The following MAP4K5 variants were observed in gnomAD, a reference collection of about 807,000 sequenced individuals.
MAP4K5 encodes the protein mitogen-activated protein kinase kinase kinase kinase 5.
A neutral mutation model predicts 135.6 loss-of-function variants in MAP4K5; 82 were observed. The ratio of observed to expected loss-of-function variants is 0.60; its 90% CI spans 0.51 to 0.73. The LOEUF is 0.73. Ranked by LOEUF, MAP4K5 falls within the 30% of genes least tolerant of loss-of-function variation. MAP4K5 has a pLI of 0.00. For missense variants in MAP4K5, 907 were observed against 1,010.9 expected (o/e 0.90, Z 1.39); for synonymous variants, 347 against 335.0 (o/e 1.04, Z -0.39).
At chr14:50,435,147 A>G in intron 26 of MAP4K5, 82 bp from the exon 27 acceptor site, 1 of 611,878 alleles carries the variant, frequency 1.6e-6, no homozygotes, top group Non-Finnish European at 2.8e-6. Flanking sequence ...CCAGGATGAC[A>G]AGAGTGGGCA....
chr14:50,448,623 T>C (rs2036412288), intron 15 of MAP4K5, 151 bp downstream of exon 15: 3 of 546,380 alleles, frequency 5.5e-6, no homozygotes, highest in Non-Finnish European at 9.5e-6. Flanking sequence ...AAACTAACTA[T>C]AAACTTTTAA....
intron 1 of MAP4K5, among the ~76,000 whole-genome samples, chr14:50,554,323 A>G (rs2038739345): frequency 6.6e-6 from 1 of 152,198 alleles, no homozygotes; most frequent in African/African-American, 2.4e-5. Flanking sequence ...AACAGGCATC[A>G]TAATTGTAGT....
intron 32 of MAP4K5, among the ~76,000 whole-genome samples, chr14:50,421,142 A>C (rs1439747103): frequency 6.6e-6 from 1 of 152,196 alleles, no homozygotes; most frequent in Non-Finnish European, 1.5e-5. Context: ...GAAAAGGAAA[A>C]TATAATTACT....
At chr14:50,487,665 C>G (rs1469027026) in intron 3 of MAP4K5, among the ~76,000 whole-genome samples, 1 of 152,106 alleles carries the variant, frequency 6.6e-6, no homozygotes, top group African/African-American at 2.4e-5. Context: ...AAAAGAGGAT[C>G]AAAGGAGATA....
At chr14:50,531,900 C>G in intron 2 of MAP4K5, 42 bp downstream of exon 2, 1 of 1,361,846 alleles carries the variant, frequency 7.3e-7, no homozygotes, top group Admixed American at 1.9e-5. Context: ...ATTCCCGGGA[C>G]CCAGTCGACC....
At chr14:50,508,699 A>G (rs1471606798) in intron 2 of MAP4K5, among the ~76,000 whole-genome samples, 1 of 151,876 alleles carries the variant, frequency 6.6e-6, no homozygotes, top group African/African-American at 2.4e-5. Context: ...CATGTACCCT[A>G]GAACTTAAAG....
chr14:50,424,709 C>CAAA (rs57648390), intron 31 of MAP4K5, among the ~76,000 whole-genome samples: 1 of 21,344 alleles, frequency 4.7e-5, no homozygotes, highest in African/African-American at 7.3e-5. Context: ...GACTCCATCT[C>CAAA]AAAAAAAAAA....
intron 3 of MAP4K5, among the ~76,000 whole-genome samples, chr14:50,501,275 G>A (rs2037700482): frequency 6.6e-6 from 1 of 151,900 alleles, no homozygotes; most frequent in South Asian, 2.1e-4. Context: ...ACAGATGACT[G>A]TTTTATTTCT....
intron 14 of MAP4K5, among the ~76,000 whole-genome samples, chr14:50,452,014 G>A (rs2036499290): frequency 6.6e-6 from 1 of 152,128 alleles, no homozygotes; most frequent in Non-Finnish European, 1.5e-5. Context: ...TCCCAGTCTA[G>A]GGATATACGG....
chr14:50,544,742 T>TGG (rs1346446264), intron 1 of MAP4K5, among the ~76,000 whole-genome samples: 1 of 151,754 alleles, frequency 6.6e-6, no homozygotes, highest in African/African-American at 2.4e-5. Context: ...GAGACCAGCC[T>TGG]GGGGAACATA....
intron 3 of MAP4K5, among the ~76,000 whole-genome samples, chr14:50,490,159 G>GTGTGTGTGTGTGTGTGTATGTA (rs71441284): frequency 1.5e-5 from 2 of 137,922 alleles, no homozygotes; most frequent in East Asian, 4.4e-4. Context: ...GTGTGTGTGT[G>GTGTGTGTGTGTGTGTGTATGTA]TAAGGGAACT....
At chr14:50,483,899 C>T (rs942543818) in intron 5 of MAP4K5, among the ~76,000 whole-genome samples, 5 of 151,828 alleles carry the variant, frequency 3.3e-5, no homozygotes, top group Non-Finnish European at 7.4e-5. Context: ...CTTGCTCTCT[C>T]GCCCAGGCTG....
intron 3 of MAP4K5, among the ~76,000 whole-genome samples, chr14:50,489,989 T>G (rs2037446113): frequency 6.6e-6 from 1 of 152,192 alleles, no homozygotes; most frequent in East Asian, 1.9e-4. Flanking sequence ...GTAAGGGCAG[T>G]TGCAGGTTCT....
At chr14:50,502,248 C>A (rs1478706108) in intron 3 of MAP4K5, among the ~76,000 whole-genome samples, 1 of 152,148 alleles carries the variant, frequency 6.6e-6, no homozygotes, top group African/African-American at 2.4e-5. Context: ...GGGTTAATAA[C>A]ACTGGAAGCA....
intron 10 of MAP4K5, among the ~76,000 whole-genome samples, chr14:50,467,759 A>C (rs1213230278): frequency 6.6e-6 from 1 of 152,158 alleles, no homozygotes; most frequent in Non-Finnish European, 1.5e-5. Context: ...TGTACTTATC[A>C]GCATTCTAGC....
intron 1 of MAP4K5, chr14:50,560,450 C>A: frequency 9.3e-7 from 1 of 1,069,946 alleles, no homozygotes; most frequent in South Asian, 1.4e-5. Flanking sequence ...CCTGTTTGGG[C>A]GGAGGAACCA....
chr14:50,470,348 G>A (rs1236919564), intron 9 of MAP4K5, among the ~76,000 whole-genome samples: 1 of 152,070 alleles, frequency 6.6e-6, no homozygotes, highest in African/African-American at 2.4e-5. Flanking sequence ...TAAAGTAGTA[G>A]TATTTCACCT....
Position 50,443,722 on chromosome 14 carries a change from T to G in MAP4K5, c.1479+7A>C, listed in dbSNP as rs1951472930. On this transcript the variant is annotated splice_region_variant and intron_variant, in intron 20 of 32. Transcript: ENST00000682126. Reference sequence around the variant, plus strand: ...CGGCAAATAGTTCACATAAAAATATTCCTTACCAGAACTTTTGGGGTGGGT... The same window carrying G: ...CGGCAAATAGTTCACATAAAAATATGCCTTACCAGAACTTTTGGGGTGGGT... The G allele has an allele frequency of 6.3e-7, 1 of 1,584,226 alleles. No homozygotes were observed. The highest frequency in any genetic ancestry group is 8.5e-7 in the Non-Finnish European group (1 of 1,171,790).
intron 16 of MAP4K5, among the ~76,000 whole-genome samples, chr14:50,446,835 TTC>T (rs1264806699): frequency 1.3e-5 from 2 of 152,246 alleles, no homozygotes; most frequent in African/African-American, 4.8e-5. Context: ...CATAGTTATA[TTC>T]TAACAAACTT....
Sources: gnomAD v4.1 joint callset for allele counts (sites outside exome capture counted in the v4.1 genomes callset) on GRCh38, gnomAD v4.1.1 for gene constraint, MANE v1.5 for transcripts, NCBI Gene and HGNC (gene_info 2026-07-23, HGNC 2026-07-21) for gene names.